Variants in PCDH15 observed in about 807,000 individuals in gnomAD.
The protein encoded by PCDH15 is protocadherin related 15, also known as protocadherin-15.
In PCDH15, 129 loss-of-function variants were observed where a neutral mutation model predicts 178.5. The observed-to-expected ratio is 0.72, with a 90% CI of 0.63 to 0.84. The LOEUF is 0.84. Among genes scored for constraint, PCDH15 ranks in the 40% least tolerant of loss-of-function variants. The probability of loss-of-function intolerance (pLI) is 0.00; values close to 1 mark genes in which losing one functional copy is unlikely to be tolerated. For synonymous variants in PCDH15, 800 were observed against 732.0 expected (o/e 1.09, Z -1.50); for missense variants, 2,230 against 2,099.9 (o/e 1.06, Z -1.21).
intron 3 of PCDH15, among the ~76,000 whole-genome samples, chr10:54,870,021 C>T (rs1240433947): frequency 6.6e-6 from 1 of 152,098 alleles, no homozygotes; most frequent in Non-Finnish European, 1.5e-5. Flanking sequence ...CTGTTTTTCC[C>T]CTGTGCAGTA....
intron 32 of PCDH15, chr10:53,821,703 G>C: frequency 6.9e-7 from 1 of 1,450,566 alleles, no homozygotes; most frequent in Non-Finnish European, 9.0e-7. Flanking sequence ...TAGTGATGAG[G>C]TTAATATCTT....
At chr10:54,810,651 C>G (rs1170349544) in intron 3 of PCDH15, among the ~76,000 whole-genome samples, 2 of 151,922 alleles carry the variant, frequency 1.3e-5, no homozygotes, top group Non-Finnish European at 2.9e-5. Context: ...AAGTGTCAAC[C>G]CCTAGAGTGT....
intron 6 of PCDH15, among the ~76,000 whole-genome samples, chr10:54,337,293 G>A (rs1235604833): frequency 6.6e-6 from 1 of 152,038 alleles, no homozygotes; most frequent in African/African-American, 2.4e-5. Flanking sequence ...CTGTTGGTAA[G>A]GCATGATTGG....
At chr10:55,477,246 T>G (rs1201866745) in intron 2 of PCDH15, among the ~76,000 whole-genome samples, 1 of 151,836 alleles carries the variant, frequency 6.6e-6, no homozygotes, top group Non-Finnish European at 1.5e-5. Context: ...AAAAGAGACA[T>G]GAAGGACAGA....
At chr10:53,897,269 C>T (rs1051036704) in intron 26 of PCDH15, among the ~76,000 whole-genome samples, 2 of 152,102 alleles carry the variant, frequency 1.3e-5, no homozygotes, top group Non-Finnish European at 2.9e-5. Context: ...ATTGTTGCAA[C>T]TGGTGTTTTA....
At chr10:55,037,254 G>C (rs147513552) in intron 2 of PCDH15, among the ~76,000 whole-genome samples, 108 of 151,790 alleles carry the variant, frequency 7.1e-4, no homozygotes, top group African/African-American at 2.5e-3. Context: ...TTTATTTTGA[G>C]ACGGAGTCTC....
chr10:54,079,894 T>C (rs1028588980), intron 16 of PCDH15, among the ~76,000 whole-genome samples: 6 of 152,160 alleles, frequency 3.9e-5, no homozygotes, highest in African/African-American at 1.4e-4. Context: ...ACAAACTCTA[T>C]GGATAAAAGT....
At chr10:55,150,912 G>A (rs1196472641) in intron 2 of PCDH15, among the ~76,000 whole-genome samples, 2 of 152,012 alleles carry the variant, frequency 1.3e-5, no homozygotes, top group East Asian at 1.9e-4. Flanking sequence ...TAAATGCAAC[G>A]CATGGCTGAA....
intron 7 of PCDH15, among the ~76,000 whole-genome samples, chr10:54,322,349 C>CT (rs763125329): frequency 6.6e-6 from 1 of 151,744 alleles, no homozygotes. Context: ...CATTTCTCTT[C>CT]TTTTTTAAAA....
At chr10:55,506,755 A>C (rs1302982956) in intron 2 of PCDH15, among the ~76,000 whole-genome samples, 1 of 151,582 alleles carries the variant, frequency 6.6e-6, no homozygotes, top group Admixed American at 6.6e-5. Context: ...ATAATATCTC[A>C]CATACACTTT....
rs146045793 is a variant in PCDH15 at position 54,594,219 on chromosome 10, T to C, written c.92-66342A>G. ...CAGAGAAAGCTACTTAGTGAAGTGGTAGGGACAGAACTCCAGCTGCAGCAG... is the reference window on the plus strand; with the variant it reads ...CAGAGAAAGCTACTTAGTGAAGTGGCAGGGACAGAACTCCAGCTGCAGCAG... On this transcript the variant is annotated intron_variant, in intron 2 of 37. Coordinates refer to ENST00000644397, the MANE Select transcript of PCDH15 (RefSeq NM_001384140.1). Among the ~76,000 whole-genome samples the C allele has an allele frequency of 1.1e-4, 16 of 152,208 alleles. No individual in the cohort carries two copies. In the East Asian group the frequency reaches 3.1e-3, roughly 29 times the overall value.
Position 54,717,601 on chromosome 10 carries a change from T to A in PCDH15, c.-28-53311A>T, listed in dbSNP as rs891638157. ...AGTTAGAATGGCAATCATTAAAAAG[T>A]CAGGAAACAACAGGTGCTGGAGAGG... On this transcript the variant is annotated intron_variant, in intron 1 of 37. Transcript: ENST00000644397. Among the ~76,000 whole-genome samples the A allele has an allele frequency of 6.7e-5, 9 of 135,338 alleles. 1 individual carries two copies. Among genetic ancestry groups the A allele is most frequent in the African/African-American group, 2.6e-4 (9 of 35,164 alleles). 88.8% of individuals were successfully genotyped at this position (135,338 alleles called of 152,430 possible).
At chr10:55,375,686 A>G (rs1022913713) in intron 2 of PCDH15, among the ~76,000 whole-genome samples, 9 of 152,116 alleles carry the variant, frequency 5.9e-5, no homozygotes, top group Non-Finnish European at 1.0e-4. Flanking sequence ...AGCCAGAATT[A>G]CAAAGACAAA....
At chr10:54,863,721 T>C (rs1425831307) in intron 3 of PCDH15, among the ~76,000 whole-genome samples, 1 of 152,170 alleles carries the variant, frequency 6.6e-6, no homozygotes, top group Non-Finnish European at 1.5e-5. Context: ...TAAAGCTTTA[T>C]TTGTCAAACT....
At chr10:54,988,423 G>A (rs148961227) in intron 2 of PCDH15, among the ~76,000 whole-genome samples, 41 of 152,294 alleles carry the variant, frequency 2.7e-4, no homozygotes, top group African/African-American at 7.5e-4. Context: ...AAGACAAGAC[G>A]TGGGAAAGTT....
intron 2 of PCDH15, among the ~76,000 whole-genome samples, chr10:54,538,960 A>G (rs1258026397): frequency 1.3e-5 from 2 of 152,186 alleles, no homozygotes; most frequent in East Asian, 3.9e-4. Context: ...TCTGTGTAAA[A>G]TGGCATTGAA....
chr10:54,856,046 C>T (rs116212658), intron 3 of PCDH15, among the ~76,000 whole-genome samples: 1,765 of 152,096 alleles, frequency 0.012, 38 homozygotes, highest in African/African-American at 0.04. Context: ...TTTCCAATTG[C>T]GATAGTTAAG....
At chr10:54,189,956 TG>T (rs1387126257) in intron 11 of PCDH15, among the ~76,000 whole-genome samples, 2 of 151,594 alleles carry the variant, frequency 1.3e-5, no homozygotes, top group Admixed American at 6.6e-5. Flanking sequence ...TGTGTGTGTG[TG>T]TGTGTATGGG....
intron 2 of PCDH15, among the ~76,000 whole-genome samples, chr10:55,542,176 A>G (rs1288254393): frequency 6.6e-6 from 1 of 151,498 alleles, no homozygotes; most frequent in Admixed American, 6.6e-5. Context: ...ACATATGTAC[A>G]GTATGTCTAT....
Sources: gnomAD v4.1 joint callset for allele counts (sites outside exome capture counted in the v4.1 genomes callset) on GRCh38, gnomAD v4.1.1 for gene constraint, MANE v1.5 for transcripts, NCBI Gene and HGNC (gene_info 2026-07-23, HGNC 2026-07-21) for gene names.